COL4A6: variants seen among roughly 807,000 people sequenced by gnomAD.
COL4A6 encodes collagen alpha-6(IV) chain.
COL4A6 carries 59 observed loss-of-function variants against 126.7 expected under a neutral mutation model. That is an observed-to-expected ratio of 0.47 (90% CI 0.38 to 0.58). The LOEUF is 0.58. Ranked by LOEUF, COL4A6 falls within the 20% of genes least tolerant of loss-of-function variation. The probability of loss-of-function intolerance (pLI) is 0.00; values close to 1 mark genes in which losing one functional copy is unlikely to be tolerated. For synonymous variants in COL4A6, 547 were observed against 496.6 expected (o/e 1.10, Z -1.35); for missense variants, 1,285 against 1,337.3 (o/e 0.96, Z 0.61).
intron 2 of COL4A6, among the ~76,000 whole-genome samples, chrX:108,415,454 T>C (rs1251371441): frequency 1.8e-5 from 2 of 112,293 alleles, no homozygotes; most frequent in Admixed American, 1.9e-4. Context: ...CTGATTCAAC[T>C]TGTGGCTTTG....
intron 2 of COL4A6, among the ~76,000 whole-genome samples, chrX:108,368,384 G>A (rs1282019737): frequency 9.0e-6 from 1 of 111,248 alleles, no homozygotes; most frequent in South Asian, 3.8e-4. Context: ...CACTTACCAT[G>A]AATGGAGCTT....
intron 3 of COL4A6, among the ~76,000 whole-genome samples, chrX:108,277,331 G>A (rs5973856): frequency 0.27 from 29,637 of 111,362 alleles, 3,218 homozygotes; most frequent in East Asian, 0.62. Context: ...CGCACCAGGA[G>A]ATTATATCCC....
At chrX:108,169,799 A>G in intron 36 of COL4A6, 146 bp downstream of exon 36, 1 of 828,787 alleles carries the variant, frequency 1.2e-6, no homozygotes. Flanking sequence ...TCTTCTCCAT[A>G]TCAAGGGACC....
chrX:108,169,815 T>C, intron 36 of COL4A6, 130 bp downstream of exon 36: 1 of 826,862 alleles, frequency 1.2e-6, no homozygotes. Context: ...GGACCTCAAA[T>C]TGGAGGTTAA....
chrX:108,188,281 G>T (rs950329648), intron 21 of COL4A6, among the ~76,000 whole-genome samples: 1 of 112,123 alleles, frequency 8.9e-6, no homozygotes, highest in African/African-American at 3.2e-5. Context: ...CTAGGCAAAG[G>T]TAAACAATGT....
intron 2 of COL4A6, among the ~76,000 whole-genome samples, chrX:108,375,678 C>CTTT (rs142100994): frequency 1.0e-5 from 1 of 95,293 alleles, no homozygotes; most frequent in Non-Finnish European, 2.1e-5. Flanking sequence ...TAGGCTAAAT[C>CTTT]TTTTTTTTTT....
At chrX:108,391,290 C>T (rs1004041905) in intron 2 of COL4A6, among the ~76,000 whole-genome samples, 1 of 111,848 alleles carries the variant, frequency 8.9e-6, no homozygotes, top group African/African-American at 3.3e-5. Context: ...TGAAGCTGCA[C>T]CCACAGCTGC....
At chrX:108,348,773 C>A (rs1347599706) in intron 2 of COL4A6, among the ~76,000 whole-genome samples, 1 of 111,726 alleles carries the variant, frequency 9.0e-6, no homozygotes, top group East Asian at 2.8e-4. Context: ...GTAATAGAAC[C>A]AGTCCTAAAC....
At chrX:108,399,862 T>C (rs181932196) in intron 2 of COL4A6, among the ~76,000 whole-genome samples, 11 of 111,616 alleles carry the variant, frequency 9.9e-5, no homozygotes, top group African/African-American at 3.6e-4. Context: ...CACTGAATTG[T>C]AAACTAAGTA....
chrX:108,289,736 C>G (rs1173085491), intron 3 of COL4A6, among the ~76,000 whole-genome samples: 5 of 111,200 alleles, frequency 4.5e-5, no homozygotes, highest in African/African-American at 1.6e-4. Context: ...TTCTCTCTCC[C>G]TTTTGCATAT....
chrX:108,208,561 G>A (rs1464779810), intron 8 of COL4A6, among the ~76,000 whole-genome samples: 1 of 112,084 alleles, frequency 8.9e-6, no homozygotes, highest in African/African-American at 3.2e-5. Flanking sequence ...ATTTGGACAC[G>A]AAGCAACACA....
At chrX:108,409,058 CAA>C (rs780009940) in intron 2 of COL4A6, among the ~76,000 whole-genome samples, 8 of 112,191 alleles carry the variant, frequency 7.1e-5, no homozygotes, top group African/African-American at 9.7e-5. Flanking sequence ...TGTTGCTGTT[CAA>C]AAGTTTTGAA....
chrX:108,375,621 T>G (rs776023692), intron 2 of COL4A6, among the ~76,000 whole-genome samples: 9 of 110,809 alleles, frequency 8.1e-5, no homozygotes, highest in Non-Finnish European at 1.3e-4. Flanking sequence ...TTCTCACGTC[T>G]GGAGCCATTT....
intron 3 of COL4A6, among the ~76,000 whole-genome samples, chrX:108,282,419 G>A (rs1416044674): frequency 1.8e-5 from 2 of 111,292 alleles, no homozygotes; most frequent in Non-Finnish European, 3.8e-5. Flanking sequence ...CTGGCCATCA[G>A]AGAAATGCAA....
intron 2 of COL4A6, among the ~76,000 whole-genome samples, chrX:108,331,229 G>A (rs931871535): frequency 2.7e-5 from 3 of 111,649 alleles, no homozygotes; most frequent in Non-Finnish European, 5.7e-5. Context: ...GGATCTCCAG[G>A]AAAATATAGC....
chrX:108,184,996 G>A (rs1268932427), intron 23 of COL4A6, among the ~76,000 whole-genome samples: 1 of 112,299 alleles, frequency 8.9e-6, no homozygotes, highest in African/African-American at 3.2e-5. Flanking sequence ...CCAATTACGG[G>A]AGGAGCAGTA....
intron 2 of COL4A6, among the ~76,000 whole-genome samples, chrX:108,366,656 A>G (rs1361740149): frequency 1.8e-5 from 2 of 112,000 alleles, no homozygotes; most frequent in Admixed American, 1.9e-4. Flanking sequence ...GGAAAATTAA[A>G]TGGAACCAGT....
chrX:108,416,586 G>A (rs1787530575), intron 2 of COL4A6, among the ~76,000 whole-genome samples: 1 of 112,200 alleles, frequency 8.9e-6, no homozygotes, highest in Non-Finnish European at 1.9e-5. Flanking sequence ...TAGACAGTGT[G>A]TGATCATTGG....
At chrX:108,417,010 T>TATTTTCC (rs1324040356) in intron 2 of COL4A6, among the ~76,000 whole-genome samples, 1 of 112,611 alleles carries the variant, frequency 8.9e-6, no homozygotes, top group Non-Finnish European at 1.9e-5. Flanking sequence ...CTTAATACTC[T>TATTTTCC]ATTTTCCTTT....
Sources: gnomAD v4.1 joint callset for allele counts (sites outside exome capture counted in the v4.1 genomes callset) on GRCh38, gnomAD v4.1.1 for gene constraint, MANE v1.5 for transcripts, NCBI Gene and HGNC (gene_info 2026-07-23, HGNC 2026-07-21) for gene names.